The following MAST2 variants were observed in gnomAD, a reference collection of about 807,000 sequenced individuals.
MAST2 encodes microtubule associated serine/threonine kinase 2, also known as microtubule-associated serine/threonine-protein kinase 2.
Under a neutral mutation model 147.4 loss-of-function variants are expected in MAST2, and 70 were observed. The ratio of observed to expected loss-of-function variants is 0.47; its 90% CI spans 0.39 to 0.58. The LOEUF is 0.58. Ranked by LOEUF, MAST2 falls within the 20% of genes least tolerant of loss-of-function variation. The pLI is 0.00. For synonymous variants in MAST2, 869 were observed against 896.8 expected, an observed-to-expected ratio of 0.97 and a Z score of 0.55; for missense variants, 2,080 against 2,302.3, an observed-to-expected ratio of 0.90 and a Z score of 1.98.
At position 45,829,431 on chromosome 1, in the gene MAST2, A is replaced by T; in HGVS notation, c.326-8A>T. On this transcript the variant is annotated splice_polypyrimidine_tract_variant and splice_region_variant and intron_variant, in intron 2 of 28. Transcript: ENST00000361297. ...TACATGTATATTTTCCAAACCTTGT[A>T]TTTGAAGGTAAGCAGCTGCTCCCTT... The T allele has an allele frequency of 6.2e-7, 1 of 1,604,084 alleles. No individual in the cohort carries two copies. The highest frequency in any genetic ancestry group is 8.5e-7 in the Non-Finnish European group (1 of 1,176,016).
rs192898827 is a variant in MAST2, at chr1:45,867,797, C to T, written c.469-14567C>T. 1.3e-4 allele frequency among the ~76,000 whole-genome samples: 20 copies of T among 152,288 alleles called. No individual in the cohort carries two copies. In the East Asian group the frequency reaches 3.9e-3, roughly 29 times the overall value. ...GTATAGGTTAGGGTACTCTGAACTA[C>T]AAGTAACAGAAATTTTGACTCTGAG... On this transcript the variant is annotated intron_variant, in intron 3 of 28. Transcript: ENST00000361297.
intron 1 of MAST2, among the ~76,000 whole-genome samples, chr1:45,818,339 T>C (rs1057213330): frequency 3.9e-5 from 6 of 152,190 alleles, no homozygotes; most frequent in African/African-American, 1.2e-4. Flanking sequence ...CAAGTTTGGC[T>C]TTGGGAAGTG....
chr1:45,973,283 T>C (rs1046521112), intron 5 of MAST2, among the ~76,000 whole-genome samples: 6 of 152,198 alleles, frequency 3.9e-5, no homozygotes, highest in African/African-American at 1.2e-4. Flanking sequence ...TCCACTACCC[T>C]ACCTCAATCA....
At chr1:45,879,137 C>A (rs1570502936) in intron 3 of MAST2, among the ~76,000 whole-genome samples, 1 of 151,102 alleles carries the variant, frequency 6.6e-6, no homozygotes, top group Non-Finnish European at 1.5e-5. Flanking sequence ...CAATAGAGAG[C>A]CCAGAAAGGT....
chr1:45,924,411 A>T (rs1447527683), intron 4 of MAST2, among the ~76,000 whole-genome samples: 1 of 152,190 alleles, frequency 6.6e-6, no homozygotes, highest in Non-Finnish European at 1.5e-5. Context: ...CCAGTAAACA[A>T]TGTGCATAAG....
chr1:45,842,049 A>C (rs1303563052), intron 3 of MAST2, among the ~76,000 whole-genome samples: 1 of 152,096 alleles, frequency 6.6e-6, no homozygotes, highest in Non-Finnish European at 1.5e-5. Context: ...TCAGATAAGG[A>C]GTTTTGTCTT....
At chr1:45,862,487 A>ATTTTTTTT (rs67344347) in intron 3 of MAST2, among the ~76,000 whole-genome samples, 1 of 136,246 alleles carries the variant, frequency 7.3e-6, no homozygotes, top group African/African-American at 2.7e-5. Flanking sequence ...AGGACTGAAG[A>ATTTTTTTT]TTTTTTTTTT....
chr1:45,976,489 CAG>C (rs1350326428), intron 5 of MAST2, among the ~76,000 whole-genome samples: 5 of 152,220 alleles, frequency 3.3e-5, no homozygotes, highest in South Asian at 2.1e-4. Flanking sequence ...CCCAGCTACT[CAG>C]GGGCCACAAC....
chr1:45,851,875 A>G (rs967947131), intron 3 of MAST2, among the ~76,000 whole-genome samples: 1 of 152,130 alleles, frequency 6.6e-6, no homozygotes, highest in African/African-American at 2.4e-5. Flanking sequence ...CGTTTCTGAG[A>G]TGTGTTGGGG....
chr1:46,022,587 A>AGCCAGTGAG (rs1646233168), intron 12 of MAST2, among the ~76,000 whole-genome samples: 1 of 152,000 alleles, frequency 6.6e-6, no homozygotes, highest in Non-Finnish European at 1.5e-5. Context: ...CATCCAGTGA[A>AGCCAGTGAG]GCAGTCTTGG....
At chr1:45,936,383 T>G (rs1283518866) in intron 4 of MAST2, among the ~76,000 whole-genome samples, 3 of 152,212 alleles carry the variant, frequency 2.0e-5, no homozygotes, top group African/African-American at 2.4e-5. Context: ...GCCTAATTGC[T>G]CTGGCTAGGA....
At position 46,027,603 on chromosome 1, in the gene MAST2, G is replaced by T. The variant is rs946449597; in HGVS notation, c.1920-128G>T. On this transcript the variant is annotated intron_variant, in intron 16 of 28. Coordinates refer to ENST00000361297, the MANE Select transcript of MAST2 (RefSeq NM_015112.3). ...TCCACACCTGCCTGTCCCCCCAGCTGAAGCTACCCAGCTTGTGTCTCACAG... is the reference window on the plus strand; with the variant it reads ...TCCACACCTGCCTGTCCCCCCAGCTTAAGCTACCCAGCTTGTGTCTCACAG... 13 of 984,342 alleles carry T rather than the reference G, an allele frequency of 1.3e-5. No homozygotes were observed. The African/African-American group carries it at 2.0e-4, about 15-fold the overall frequency. 61.0% of individuals were successfully genotyped at this position (984,342 alleles called of 1,614,324 possible).
At chr1:46,008,246 T>C (rs1303386264) in intron 8 of MAST2, 50 bp from the exon 9 acceptor site, 6 of 1,372,092 alleles carry the variant, frequency 4.4e-6, no homozygotes, top group South Asian at 1.2e-5. Context: ...ATCTTTCTTC[T>C]TGATAGTTCC....
At chr1:45,837,748 G>A (rs1645145031) in intron 3 of MAST2, among the ~76,000 whole-genome samples, 1 of 152,170 alleles carries the variant, frequency 6.6e-6, no homozygotes, top group South Asian at 2.1e-4. Context: ...TCCACCAGCA[G>A]TTGCTCCACA....
intron 4 of MAST2, among the ~76,000 whole-genome samples, chr1:45,901,611 A>G (rs1483089103): frequency 1.3e-5 from 2 of 152,178 alleles, no homozygotes; most frequent in East Asian, 1.9e-4. Flanking sequence ...CTTCCTATCC[A>G]TGATCATAGG....
chr1:45,898,161 G>A (rs1221127326), intron 4 of MAST2, among the ~76,000 whole-genome samples: 2 of 151,950 alleles, frequency 1.3e-5, no homozygotes, highest in East Asian at 3.9e-4. Context: ...AAAAATTATA[G>A]TAGTTATACA....
At chr1:46,011,766 T>G (rs894642965) in intron 10 of MAST2, among the ~76,000 whole-genome samples, 13 of 152,186 alleles carry the variant, frequency 8.5e-5, no homozygotes, top group African/African-American at 1.2e-4. Flanking sequence ...CCAGGGCTAA[T>G]GATCAAAAGG....
chr1:45,847,308 C>A, intron 3 of MAST2: 1 of 502,178 alleles, frequency 2.0e-6, no homozygotes, highest in South Asian at 1.6e-5. Flanking sequence ...CTGCTTGTCC[C>A]TGATACTGTT....
chr1:45,967,967 T>C (rs553439306), intron 5 of MAST2, among the ~76,000 whole-genome samples: 1 of 152,316 alleles, frequency 6.6e-6, no homozygotes, highest in African/African-American at 2.4e-5. Context: ...TCACATACAT[T>C]GTTGCTGTTA....
Sources: allele counts gnomAD v4.1 joint callset (sites outside exome capture counted in the v4.1 genomes callset), GRCh38; gene constraint gnomAD v4.1.1; transcripts MANE v1.5; gene names NCBI Gene and HGNC (gene_info 2026-07-23, HGNC 2026-07-21).